The following BRAT1 variants were observed in gnomAD, a reference collection of about 807,000 sequenced individuals.
BRAT1 encodes BRCA1 associated ATM activator 1.
BRAT1 carries 74 observed loss-of-function variants against 70.6 expected under a neutral mutation model. The ratio of observed to expected loss-of-function variants is 1.05; its 90% CI spans 0.87 to 1.27. BRAT1 has a LOEUF of 1.27. Ranked by LOEUF, BRAT1 falls within the 50% of genes most tolerant of loss-of-function variation. The pLI is 0.00. For missense variants in BRAT1, 1,203 were observed against 1,098.2 expected, an observed-to-expected ratio of 1.10 and a Z score of -1.35; for synonymous variants, 615 against 517.1, an observed-to-expected ratio of 1.19 and a Z score of -2.57.
chr7:2,555,237 C>G (rs1197962156), intron 1 of BRAT1, among the ~76,000 whole-genome samples: 1 of 152,070 alleles, frequency 6.6e-6, no homozygotes. Flanking sequence ...CTGCCAATGC[C>G]CGGGAAGGCT....
At chr7:2,544,749 C>A (rs1242187521) in intron 4 of BRAT1, among the ~76,000 whole-genome samples, 160 bp downstream of exon 4, 2 of 152,194 alleles carry the variant, frequency 1.3e-5, no homozygotes, top group Non-Finnish European at 2.9e-5. Context: ...GCCTGACCTG[C>A]CAACCAGAGA....
intron 4 of BRAT1, 125 bp downstream of exon 4, chr7:2,544,784 G>C: frequency 7.1e-7 from 1 of 1,403,746 alleles, no homozygotes; most frequent in South Asian, 1.4e-5. Context: ...TACTGTCACA[G>C]TGCAGTCTTT....
chr7:2,555,310 C>A (rs565607838), intron 1 of BRAT1, among the ~76,000 whole-genome samples, 177 bp downstream of exon 1: 1 of 152,124 alleles, frequency 6.6e-6, no homozygotes, highest in South Asian at 2.1e-4. Context: ...AGCGCCAGGC[C>A]CGAGAGTCCA....
chr7:2,538,521 G>A lies in BRAT1; in HGVS notation c.2014C>T (p.His672Tyr), dbSNP rs1778868611. 1 of 1,608,236 alleles carries A rather than the reference G, an allele frequency of 6.2e-7. No individual in the cohort carries two copies. Among genetic ancestry groups the A allele is most frequent in the Non-Finnish European group, 8.5e-7 (1 of 1,179,486 alleles). Residue 672 changes from histidine (H) to tyrosine (Y), a missense_variant, in exon 14 of 14, where the codon CAC (histidine) becomes TAC (tyrosine). Transcript: ENST00000340611. ...LGQTLGPPRT[H>Y]CPYAVALPEV... ...GGTAGGGCCACGGCATAGGGGCAGT[G>A]GGTACGCGGCGGCCCCAAAGTCTGG...
chr7:2,543,093 G>GCC lies in BRAT1; in HGVS notation c.923+110_923+111insGG. 1 of 1,391,304 alleles carries GCC rather than the reference G, an allele frequency of 7.2e-7. No individual in the cohort carries two copies. Among genetic ancestry groups the GCC allele is most frequent in the Non-Finnish European group, 9.6e-7 (1 of 1,044,956 alleles). 86.2% of individuals were successfully genotyped at this position (1,391,304 alleles called of 1,614,324 possible). A position where few individuals can be genotyped will look rare whatever the true frequency, so the allele number is the denominator to read the frequency against. Reference sequence around the variant, plus strand: ...CCAGTCACACCCCGCACGGCCGCCTGACTGTCCCTGGTGTCCGGAACTCCC... The same window carrying GCC: ...CCAGTCACACCCCGCACGGCCGCCTGCCACTGTCCCTGGTGTCCGGAACTCCC... On this transcript the variant is annotated intron_variant, in intron 6 of 13. Transcript: ENST00000340611. This position sits in a 1 kb window ranked among gnomAD's most constrained non-coding sequence, Gnocchi z 5.5.
chr7:2,543,724 C>T lies in BRAT1; in HGVS notation c.669G>A (p.Thr223=), dbSNP rs781646381. 29 of 1,590,156 alleles carry T rather than the reference C, an allele frequency of 1.8e-5. No homozygotes were observed. The highest frequency in any genetic ancestry group is 1.7e-4 in the Middle Eastern group (1 of 5,988). ...KVTQALNVLT[T]TFGRCQSPWT... ...AGGGGCTCTGGCAGCGCCCGAAGGT[C>T]GTGGTCAGGACGTTCAGGGCCTGAG... is the stretch of plus-strand genomic sequence containing the variant. Residue 223 remains threonine (T), a synonymous_variant, in exon 5 of 14, where the codon ACG becomes ACA. Coordinates refer to ENST00000340611, the MANE Select transcript of BRAT1 (RefSeq NM_152743.4). The surrounding 1 kb of genome is among the most constrained non-coding windows in gnomAD (Gnocchi z 5.5).
Position 2,538,457 on chromosome 7 carries a change from C to G in BRAT1, c.2078G>C (p.Arg693Thr). The G allele has an allele frequency of 6.2e-7, 1 of 1,612,988 alleles. No homozygotes were observed. The highest frequency in any genetic ancestry group is 1.6e-4 in the Middle Eastern group (1 of 6,062). Residue 693 changes from arginine to threonine, a missense_variant, in exon 14 of 14, where the codon AGG becomes ACG. Transcript: ENST00000340611. ...AAAGAGCCCCACGTGGCAGAGAGCCCTCAGTGCCTCGGTGAGTGGCTGGGC... is the reference window on the plus strand; with the variant it reads ...AAAGAGCCCCACGTGGCAGAGAGCCGTCAGTGCCTCGGTGAGTGGCTGGGC... ...APAQPLTEAL[R>T]ALCHVGLFDF...
rs1434930841 is a variant in BRAT1 at position 2,547,281 on chromosome 7, C to T, written c.282+43G>A. ...CCTGGCTGCGGGAGGAAAAGCCTGC[C>T]CACCTCTCCACGGGACACTCAGGTG... On this transcript the variant is annotated intron_variant, in intron 3 of 13. Coordinates refer to ENST00000340611, the MANE Select transcript of BRAT1 (RefSeq NM_152743.4). The T allele has an allele frequency of 1.9e-6, 3 of 1,604,834 alleles. No individual in the cohort carries two copies. The Admixed American group carries it at 5.0e-5, about 27-fold the overall frequency.
At chr7:2,552,063 G>A (rs1193857411) in intron 2 of BRAT1, among the ~76,000 whole-genome samples, 1 of 105,992 alleles carries the variant, frequency 9.4e-6, no homozygotes, top group South Asian at 3.3e-4. Context: ...CATACTTTTA[G>A]AGAAATGCAT....
At chr7:2,545,536 G>A (rs1779549902) in intron 3 of BRAT1, among the ~76,000 whole-genome samples, 1 of 138,550 alleles carries the variant, frequency 7.2e-6, no homozygotes, top group African/African-American at 2.9e-5. Context: ...TGTTGCCTAG[G>A]CTGGAGTGCA....
chr7:2,538,678 C>T lies in BRAT1; in HGVS notation c.1857G>A (p.Trp619Ter), dbSNP rs794729222. The T allele has an allele frequency of 6.3e-7, 1 of 1,598,414 alleles. No homozygotes were observed. Among genetic ancestry groups the T allele is most frequent in the Non-Finnish European group, 8.5e-7 (1 of 1,179,812 alleles). ...RRAVMQVFTE[W>*]LRDGHADAAQ... The stretch of plus-strand genomic sequence containing the variant: ...CCGCGTCGGCGTGGCCGTCCCGCAG[C>T]CACTCAGTGAAGACTTGCATGACCG... The change falls in exon 14 of 14, where the codon TGG becomes TGA. Residue 619 changes from tryptophan to a stop codon, truncating the protein, a stop_gained. Transcript: ENST00000340611. LOFTEE classifies it low-confidence loss of function (END_TRUNC).
intron 13 of BRAT1, 37 bp downstream of exon 13, chr7:2,539,142 G>A (rs750195820): frequency 1.9e-5 from 30 of 1,568,724 alleles, no homozygotes; most frequent in Non-Finnish European, 2.6e-5. Context: ...CGATGGCCAG[G>A]CGGGAGTTGC....
chr7:2,542,254 G>T, intron 6 of BRAT1, 43 bp from the exon 7 acceptor site: 2 of 1,496,812 alleles, frequency 1.3e-6, no homozygotes, highest in Non-Finnish European at 1.8e-6. Flanking sequence ...CTGGCTGCGA[G>T]ACAAGTTGGC....
chr7:2,547,521 C>A (rs1253014069), intron 2 of BRAT1, 43 bp from the exon 3 acceptor site: 3 of 1,596,714 alleles, frequency 1.9e-6, no homozygotes, highest in South Asian at 1.1e-5. Context: ...GGGTACGGCA[C>A]CAGGTGTCCC....
chr7:2,554,537 T>C (rs1780269429), intron 1 of BRAT1, 90 bp from the exon 2 acceptor site: 1 of 1,442,600 alleles, frequency 6.9e-7, no homozygotes. Context: ...TGCTCAGGCC[T>C]GGGAAGGGGC....
intron 3 of BRAT1, among the ~76,000 whole-genome samples, chr7:2,546,985 C>T (rs940521035): frequency 1.2e-4 from 18 of 150,864 alleles, no homozygotes; most frequent in Non-Finnish European, 1.9e-4. Context: ...CAGGAAGAGA[C>T]GGAGGCCACG....
chr7:2,543,311 GA>G lies in BRAT1; in HGVS notation c.815del (p.Phe272SerfsTer16). 1.2e-6 allele frequency: 2 copies of G among 1,600,620 alleles called. No homozygotes were observed. Among genetic ancestry groups the G allele is most frequent in the Non-Finnish European group, 8.5e-7 (1 of 1,173,164 alleles). On this transcript the variant is annotated frameshift_variant, in exon 6 of 14. Transcript: ENST00000340611. LOFTEE classifies it high-confidence loss of function. The surrounding 1 kb of genome is among the most constrained non-coding windows in gnomAD (Gnocchi z 5.5). Reference protein sequence around the residue: ...LLLCVARSPVFSSSDGSLWET... With the variant: ...LLLCVARSPVXSSSDGSLWET... Reference sequence around the variant, plus strand: ...CCCACAGGCTGCCGTCGGAAGAACTGAACACGGGAGAACTGCAGGGAGACCC... The same window carrying G: ...CCCACAGGCTGCCGTCGGAAGAACTGACACGGGAGAACTGCAGGGAGACCC...
intron 4 of BRAT1, 142 bp from the exon 5 acceptor site, chr7:2,544,104 G>C: frequency 1.6e-6 from 1 of 611,580 alleles, no homozygotes; most frequent in South Asian, 3.2e-5. Context: ...AAGCAAAAAA[G>C]AACAGGAACT....
At position 2,543,905 on chromosome 7, in the gene BRAT1, GCCGAGGC is replaced by G; in HGVS notation, c.481_487del (p.Ala161ArgfsTer56). On this transcript the variant is annotated frameshift_variant, in exon 5 of 14. Transcript: ENST00000340611. LOFTEE classifies it high-confidence loss of function. The surrounding 1 kb of genome is among the most constrained non-coding windows in gnomAD (Gnocchi z 5.5). ...GACGTGCACCAGGAGCTGACTGGCCGCCGAGGCCACAAACAGGCTGGAGTCTCCCTGC... is the reference window on the plus strand; with the variant it reads ...GACGTGCACCAGGAGCTGACTGGCCGCACAAACAGGCTGGAGTCTCCCTGC... 2 of 1,606,994 alleles carry G rather than the reference GCCGAGGC, an allele frequency of 1.2e-6. No individual in the cohort carries two copies. The highest frequency in any genetic ancestry group is 2.2e-5 in the South Asian group (2 of 90,654).
Sources: allele counts gnomAD v4.1 joint callset (sites outside exome capture counted in the v4.1 genomes callset), GRCh38; gene constraint gnomAD v4.1.1; non-coding constraint Gnocchi (gnomAD v3.1); transcripts MANE v1.5; gene names NCBI Gene and HGNC (gene_info 2026-07-23, HGNC 2026-07-21).